The following FOXK1 variants were observed in gnomAD, a reference collection of about 807,000 sequenced individuals.
FOXK1 encodes the protein forkhead box protein K1.
In FOXK1, 19 loss-of-function variants were observed where a neutral mutation model predicts 51.9. The observed-to-expected ratio is 0.37, with a 90% CI of 0.26 to 0.54. The LOEUF (loss-of-function observed/expected upper bound fraction) is 0.54, where lower values mean the gene tolerates loss of function less well. Among genes scored for constraint, FOXK1 ranks in the 20% least tolerant of loss-of-function variants. FOXK1 has a pLI of 0.87. For synonymous variants in FOXK1, 537 were observed against 482.6 expected (o/e 1.11, Z -1.48); for missense variants, 870 against 1,032.7 (o/e 0.84, Z 2.16).
chr7:4,687,189 T>C (rs191184981), intron 1 of FOXK1, among the ~76,000 whole-genome samples: 108 of 152,014 alleles, frequency 7.1e-4, no homozygotes, highest in African/African-American at 1.1e-3. Context: ...TCCTCGGCCT[T>C]CCAAAGTGCT....
chr7:4,759,763 G>A, intron 7 of FOXK1, 168 bp downstream of exon 7: 2 of 865,844 alleles, frequency 2.3e-6, no homozygotes, highest in East Asian at 2.7e-5. Context: ...TGGGCAGGTG[G>A]CTCATGCTTA....
rs11974526 is a variant in FOXK1, at chr7:4,759,945, C to T, written c.1696+350C>T. 6.9e-3 allele frequency: 2,226 copies of T among 320,464 alleles called. 43 individuals carry two copies. Among genetic ancestry groups the T allele is most frequent in the African/African-American group, 0.044 (2,026 of 45,608 alleles). The allele number at this position is 320,464 out of a possible 1,614,324, so 19.9% of individuals were successfully genotyped here. On this transcript the variant is annotated intron_variant, in intron 7 of 8. Coordinates refer to ENST00000328914, the MANE Select transcript of FOXK1 (RefSeq NM_001037165.2). ...ACTCAGGAGGCTGAGGGAGGAGAAT[C>T]GCTTGAAGCCTGGAGGCAGAGGTTG...
chr7:4,693,208 G>C (rs1779915617), intron 1 of FOXK1, among the ~76,000 whole-genome samples: 1 of 152,112 alleles, frequency 6.6e-6, no homozygotes. Context: ...AAAAAACAAA[G>C]TCTGTTTTAT....
In FOXK1 at chr7:4,764,697, G is replaced by A. The variant is rs111696808; in HGVS notation, c.*2233G>A. 1,721 of 152,500 alleles carry A rather than the reference G, an allele frequency of 0.011. 27 individuals are homozygous for A. Among genetic ancestry groups the A allele is most frequent in the African/African-American group, 0.039 (1,609 of 41,572 alleles). The allele number at this position is 152,500 out of a possible 1,614,324, so 9.4% of individuals were successfully genotyped here. The stretch of plus-strand genomic sequence containing the variant: ...GCTCTCTCCCGCGTGGTGACTATAT[G>A]TCCTCAGGGCTGCCTGTGGCCACCC... On this transcript the variant is annotated 3_prime_UTR_variant, in exon 9 of 9. Coordinates refer to ENST00000328914, the MANE Select transcript of FOXK1 (RefSeq NM_001037165.2).
rs74974197 is a variant in FOXK1, at chr7:4,707,573, C to G, written c.560+24705C>G. ...GTGGGAGTCGGTGAATTGTCTCTTA[C>G]GCCTTCCTTTCCGGGTTTTCCTGGA... On this transcript the variant is annotated intron_variant, in intron 1 of 8. Coordinates refer to ENST00000328914, the MANE Select transcript of FOXK1 (RefSeq NM_001037165.2). This position sits in a 1 kb window ranked among gnomAD's most constrained non-coding sequence, Gnocchi z 4.1. Among the ~76,000 whole-genome samples the G allele has an allele frequency of 0.014, 2,204 of 152,230 alleles. 55 individuals carry two copies. The highest frequency in any genetic ancestry group is 0.051 in the African/African-American group (2,105 of 41,524).
chr7:4,762,958 G>A lies in FOXK1; in HGVS notation c.*494G>A, dbSNP rs910400976. ...CTGCCGAGCCACGGACCACCTAACA[G>A]CCTCTCCGCCCGGAACGTGACATAG... On this transcript the variant is annotated 3_prime_UTR_variant, in exon 9 of 9. Transcript: ENST00000328914. This position sits in a 1 kb window ranked among gnomAD's most constrained non-coding sequence, Gnocchi z 5.7. The A allele has an allele frequency of 1.2e-5, 2 of 161,914 alleles. No homozygotes were observed. The highest frequency in any genetic ancestry group is 1.9e-4 in the South Asian group (1 of 5,376). 10.0% of individuals were successfully genotyped at this position (161,914 alleles called of 1,614,324 possible).
In FOXK1 at chr7:4,703,424, G is replaced by A. The variant is rs528406249; in HGVS notation, c.560+20556G>A. Among the ~76,000 whole-genome samples the A allele has an allele frequency of 6.6e-6, 1 of 152,302 alleles. No individual in the cohort carries two copies. The highest frequency in any genetic ancestry group is 1.5e-5 in the Non-Finnish European group (1 of 68,008). ...TGGCCCCAAGACATGCGGAGAACCC[G>A]CGTCTGCAGGGCTGGTGGCGTCCAG... is the stretch of plus-strand genomic sequence containing the variant. On this transcript the variant is annotated intron_variant, in intron 1 of 8. Coordinates refer to ENST00000328914, the MANE Select transcript of FOXK1 (RefSeq NM_001037165.2). This position sits in a 1 kb window ranked among gnomAD's most constrained non-coding sequence, Gnocchi z 5.6.
rs78360241 is a variant in FOXK1, at chr7:4,729,373, G to A, written c.561-11465G>A. ...CCCTTAGCCTCCGCAGAGTAAAGCT[G>A]TGGGAGTCACCACGGGTCCCCATGT... On this transcript the variant is annotated intron_variant, in intron 1 of 8. Coordinates refer to ENST00000328914, the MANE Select transcript of FOXK1 (RefSeq NM_001037165.2). This position sits in a 1 kb window ranked among gnomAD's most constrained non-coding sequence, Gnocchi z 6.2. Among the ~76,000 whole-genome samples, 2,564 of 152,286 alleles carry A rather than the reference G, an allele frequency of 0.017. 69 individuals are homozygous for A. Among genetic ancestry groups the A allele is most frequent in the African/African-American group, 0.058 (2,394 of 41,560 alleles).
chr7:4,740,628 A>AATAAG (rs1780620677), intron 1 of FOXK1, among the ~76,000 whole-genome samples: 1 of 152,054 alleles, frequency 6.6e-6, no homozygotes, highest in Non-Finnish European at 1.5e-5. Flanking sequence ...AATAAAATAA[A>AATAAG]ATAAAGAAAT....
intron 1 of FOXK1, among the ~76,000 whole-genome samples, chr7:4,705,481 C>G (rs367952808): frequency 6.9e-4 from 104 of 150,922 alleles, no homozygotes; most frequent in African/African-American, 2.5e-3. Context: ...CATGCCTGGC[C>G]TTAAGTGAGA....
chr7:4,702,228 C>T (rs920371724), intron 1 of FOXK1, among the ~76,000 whole-genome samples: 2 of 152,226 alleles, frequency 1.3e-5, no homozygotes, highest in South Asian at 4.1e-4. Context: ...CTTCCCCTCC[C>T]GTTTCTGTCC....
rs201512272 is a variant in FOXK1, at chr7:4,693,890, G to GT, written c.560+11030dup. On this transcript the variant is annotated intron_variant, in intron 1 of 8. Coordinates refer to ENST00000328914, the MANE Select transcript of FOXK1 (RefSeq NM_001037165.2). ...TAATCTCTTTAAAAAAATAACAAAA[G>GT]TTTTTTTTCTGTAGAGACAAGGGGT... is the stretch of plus-strand genomic sequence containing the variant. 3.7e-3 allele frequency among the ~76,000 whole-genome samples: 569 copies of GT among 151,882 alleles called. 4 individuals carry two copies. The highest frequency in any genetic ancestry group is 6.4e-3 in the Non-Finnish European group (433 of 67,930).
At chr7:4,720,514 C>T (rs2115047149) in intron 1 of FOXK1, among the ~76,000 whole-genome samples, 1 of 152,218 alleles carries the variant, frequency 6.6e-6, no homozygotes, top group South Asian at 2.1e-4. Context: ...ATTTCAGCTG[C>T]TGTACTTTTT....
chr7:4,757,570 C>G (rs75209373), intron 5 of FOXK1, among the ~76,000 whole-genome samples: 7,855 of 130,210 alleles, frequency 0.06, 356 homozygotes, highest in African/African-American at 0.15. Flanking sequence ...GCAGAAGTTG[C>G]AGTGAGCCGA....
At position 4,707,404 on chromosome 7, in the gene FOXK1, T is replaced by C. The variant is rs1167281254; in HGVS notation, c.560+24536T>C. ...GCTAGTTTAGTACATCCGGCAATGC[T>C]GCTGAAAGCAGGCCTCTCCCTGGGC... On this transcript the variant is annotated intron_variant, in intron 1 of 8. Coordinates refer to ENST00000328914, the MANE Select transcript of FOXK1 (RefSeq NM_001037165.2). The surrounding 1 kb of genome is among the most constrained non-coding windows in gnomAD (Gnocchi z 4.1). Among the ~76,000 whole-genome samples the C allele has an allele frequency of 6.6e-6, 1 of 152,264 alleles. No individual in the cohort carries two copies. The highest frequency in any genetic ancestry group is 2.4e-5 in the African/African-American group (1 of 41,466).
rs146229688 is a variant in FOXK1 at position 4,686,492 on chromosome 7, A to G, written c.560+3624A>G. On this transcript the variant is annotated intron_variant, in intron 1 of 8. Coordinates refer to ENST00000328914, the MANE Select transcript of FOXK1 (RefSeq NM_001037165.2). Reference sequence around the variant, plus strand: ...TGATCTTGCTCTACTGGGTGACACTACGCCTGGTGGGTAAGCATCTCGCCA... The same window carrying G: ...TGATCTTGCTCTACTGGGTGACACTGCGCCTGGTGGGTAAGCATCTCGCCA... 6.7e-4 allele frequency among the ~76,000 whole-genome samples: 102 copies of G among 152,280 alleles called. No individual in the cohort carries two copies. The East Asian group carries it at 0.014, about 22-fold the overall frequency.
intron 1 of FOXK1, among the ~76,000 whole-genome samples, chr7:4,705,556 TCTCGCTCTCG>T (rs1780077648): frequency 6.9e-6 from 1 of 145,290 alleles, no homozygotes; most frequent in Non-Finnish European, 1.5e-5. Flanking sequence ...TCTCTCTCTC[TCTCGCTCTCG>T]CTCTCTCGTC....
intron 1 of FOXK1, among the ~76,000 whole-genome samples, chr7:4,716,241 A>G (rs1028644016): frequency 2.0e-5 from 3 of 151,450 alleles, no homozygotes; most frequent in African/African-American, 7.3e-5. Flanking sequence ...AAAAAAAAAA[A>G]AAAGAAAGAA....
Position 4,715,332 on chromosome 7 carries a change from C to T in FOXK1, c.561-25506C>T, listed in dbSNP as rs1190920798. ...GGCAAAGTGTGTCTCAGAGTGAAGC[C>T]GATAGGATCAAGCCCAAGTGTTCAG... On this transcript the variant is annotated intron_variant, in intron 1 of 8. Coordinates refer to ENST00000328914, the MANE Select transcript of FOXK1 (RefSeq NM_001037165.2). The surrounding 1 kb of genome is among the most constrained non-coding windows in gnomAD (Gnocchi z 4.5). Among the ~76,000 whole-genome samples, 2 of 152,022 alleles carry T rather than the reference C, an allele frequency of 1.3e-5. No homozygotes were observed. The highest frequency in any genetic ancestry group is 2.9e-5 in the Non-Finnish European group (2 of 67,992).
Sources: gnomAD v4.1 joint callset for allele counts (sites outside exome capture counted in the v4.1 genomes callset) on GRCh38, gnomAD v4.1.1 for gene constraint, Gnocchi (gnomAD v3.1) non-coding constraint, MANE v1.5 for transcripts, NCBI Gene and HGNC (gene_info 2026-07-23, HGNC 2026-07-21) for gene names.